The following FLT1 variants were observed in gnomAD, a reference collection of about 807,000 sequenced individuals.
The protein encoded by FLT1 is vascular endothelial growth factor receptor 1.
A neutral mutation model predicts 156.3 loss-of-function variants in FLT1; 49 were observed. The ratio of observed to expected loss-of-function variants is 0.31; its 90% CI spans 0.25 to 0.40. FLT1 has a LOEUF of 0.40. FLT1 is among the 10% of genes least tolerant of loss of function. FLT1 has a pLI of 1.00. For synonymous variants in FLT1, 594 were observed against 583.8 expected (o/e 1.02, Z -0.25); for missense variants, 1,322 against 1,637.2 (o/e 0.81, Z 3.32).
In FLT1 at chr13:28,339,219, G is replaced by A. The variant is rs1223758635; in HGVS notation, c.2437C>T (p.Leu813Phe). The part of the protein sequence containing the change: ...EVPLDEQCER[L>F]PYDASKWEFA... Reference sequence around the variant, plus strand: ...TCCCACTTGCTGGCATCATAAGGGAGCCGCTCACACTGCTCATCCAAAGGA... The same window carrying A: ...TCCCACTTGCTGGCATCATAAGGGAACCGCTCACACTGCTCATCCAAAGGA... The change falls in exon 17 of 30, where the codon CTC becomes TTC. Residue 813 changes from leucine (L) to phenylalanine (F), a missense_variant. Transcript: ENST00000282397. 5 of 1,614,022 alleles carry A rather than the reference G, an allele frequency of 3.1e-6. No individual in the cohort carries two copies. Among genetic ancestry groups the A allele is most frequent in the Admixed American group, 3.3e-5 (2 of 60,008 alleles).
intron 19 of FLT1, among the ~76,000 whole-genome samples, chr13:28,327,792 T>G (rs1410032596): frequency 6.8e-6 from 1 of 146,578 alleles, no homozygotes. Flanking sequence ...TGAGGGGCAG[T>G]GCAGAAGCAT....
chr13:28,481,872 C>G (rs1357260554), intron 1 of FLT1, among the ~76,000 whole-genome samples: 1 of 152,204 alleles, frequency 6.6e-6, no homozygotes, highest in African/African-American at 2.4e-5. Flanking sequence ...TAGTAAAACT[C>G]AGTTAAATTC....
chr13:28,388,345 G>A (rs771190489), intron 13 of FLT1: 475 of 1,058,010 alleles, frequency 4.5e-4, no homozygotes, highest in Admixed American at 7.0e-4. Context: ...TTACCTAAAG[G>A]AGGAAACAGT....
intron 16 of FLT1, among the ~76,000 whole-genome samples, chr13:28,345,196 T>C (rs545120218): frequency 1.3e-5 from 2 of 152,298 alleles, no homozygotes; most frequent in Admixed American, 1.3e-4. Flanking sequence ...ATATTTTGTA[T>C]CAAAAATACC....
intron 3 of FLT1, among the ~76,000 whole-genome samples, chr13:28,444,018 A>T (rs1253112998): frequency 1.3e-5 from 2 of 152,270 alleles, no homozygotes. Flanking sequence ...TGAGGAAGAT[A>T]TAACAATTAA....
rs545642527 is a variant in FLT1 at position 28,380,335 on chromosome 13, A to T, written c.2116+4550T>A. ...TTTGAAGATACTCATATATACAAACATAAGGGTCATCGTCATGGAGCATAT... is the reference window on the plus strand; with the variant it reads ...TTTGAAGATACTCATATATACAAACTTAAGGGTCATCGTCATGGAGCATAT... On this transcript the variant is annotated intron_variant, in intron 14 of 29. Coordinates refer to ENST00000282397, the MANE Select transcript of FLT1 (RefSeq NM_002019.4). Among the ~76,000 whole-genome samples, 10 of 152,378 alleles carry T rather than the reference A, an allele frequency of 6.6e-5. No individual in the cohort carries two copies. In the South Asian group the frequency reaches 2.1e-3, roughly 32 times the overall value.
chr13:28,306,877 T>A, intron 28 of FLT1, 105 bp from the exon 29 acceptor site: 1 of 771,944 alleles, frequency 1.3e-6, no homozygotes, highest in South Asian at 1.4e-5. Context: ...AGGCTCTGCC[T>A]CACCCTCCAC....
chr13:28,473,729 A>AGAAAGAAGGAAG (rs1566050283), intron 1 of FLT1, among the ~76,000 whole-genome samples: 12 of 84,304 alleles, frequency 1.4e-4, no homozygotes, highest in Non-Finnish European at 1.8e-4. Context: ...AAAGAAAGAA[A>AGAAAGAAGGAAG]GAAGGAAGGA....
intron 25 of FLT1, 128 bp downstream of exon 25, chr13:28,317,370 T>C (rs1469908133): frequency 1.3e-6 from 1 of 746,290 alleles, no homozygotes; most frequent in East Asian, 2.6e-5. Flanking sequence ...GGAGCATCTC[T>C]AAAGGAAAGA....
chr13:28,398,289 C>T (rs1024937381), intron 11 of FLT1, among the ~76,000 whole-genome samples: 1 of 152,104 alleles, frequency 6.6e-6, no homozygotes, highest in Non-Finnish European at 1.5e-5. Flanking sequence ...ATAGAGTGTC[C>T]TTGCTGAAGT....
chr13:28,372,076 A>ATT lies in FLT1; in HGVS notation c.2116+12807_2116+12808dup, dbSNP rs56114428. ...TATATATATATATATATATATATAT[A>ATT]TTTTTTTTTTTTTTTTTTTTTTTGA... is the stretch of plus-strand genomic sequence containing the variant. On this transcript the variant is annotated intron_variant, in intron 14 of 29. Transcript: ENST00000282397. 1.8e-3 allele frequency among the ~76,000 whole-genome samples: 21 copies of ATT among 11,758 alleles called. 5 individuals carry two copies. Among genetic ancestry groups the ATT allele is most frequent in the African/African-American group, 6.0e-3 (19 of 3,152 alleles). 7.7% of individuals were successfully genotyped at this position (11,758 alleles called of 152,430 possible).
At chr13:28,341,410 C>T (rs571183760) in intron 16 of FLT1, among the ~76,000 whole-genome samples, 80 of 152,320 alleles carry the variant, frequency 5.3e-4, no homozygotes, top group African/African-American at 1.8e-3. Context: ...AATCACAGGT[C>T]AACTTCTGCT....
At chr13:28,379,968 G>A (rs1874006471) in intron 14 of FLT1, among the ~76,000 whole-genome samples, 1 of 152,088 alleles carries the variant, frequency 6.6e-6, no homozygotes, top group Non-Finnish European at 1.5e-5. Context: ...ATGGGAGCAA[G>A]TCATCATTTA....
intron 3 of FLT1, among the ~76,000 whole-genome samples, chr13:28,442,967 C>A (rs1878418571): frequency 6.6e-6 from 1 of 152,168 alleles, no homozygotes; most frequent in Admixed American, 6.5e-5. Context: ...ACTTCCAATC[C>A]CAGCCAGCAC....
In FLT1 at chr13:28,319,553, G is replaced by T. The variant is rs764942559; in HGVS notation, c.3175-19C>A. ...GTCGAGTCTAGAAGAGGGCAAGGGG[G>T]CCTTGAGCAGAAGGGCATGAAAACA... On this transcript the variant is annotated intron_variant, in intron 23 of 29. Transcript: ENST00000282397. 24 of 1,481,912 alleles carry T rather than the reference G, an allele frequency of 1.6e-5. 1 individual carries two copies. In the African/African-American group the frequency reaches 2.2e-4, roughly 14 times the overall value. The allele number at this position is 1,481,912 out of a possible 1,614,324, so 91.8% of individuals were successfully genotyped here. A position where few individuals can be genotyped will look rare whatever the true frequency, so the allele number is the denominator to read the frequency against.
At chr13:28,424,517 A>G (rs953921535) in intron 10 of FLT1, among the ~76,000 whole-genome samples, 6 of 152,172 alleles carry the variant, frequency 3.9e-5, no homozygotes, top group African/African-American at 1.2e-4. Context: ...ACATATTTAC[A>G]TATTTATTAG....
rs1178780948 is a variant in FLT1, at chr13:28,371,819, G to A, written c.2116+13066C>T. On this transcript the variant is annotated intron_variant, in intron 14 of 29. Transcript: ENST00000282397. ...TGATGGACAGCAATTGGTATAATCT[G>A]AGGTGTCAGGCATCCTCTTGGGGTC... is the stretch of plus-strand genomic sequence containing the variant. Among the ~76,000 whole-genome samples the A allele has an allele frequency of 3.9e-5, 6 of 152,026 alleles. No individual in the cohort carries two copies. The South Asian group carries it at 1.2e-3, about 31-fold the overall frequency.
Position 28,472,133 on chromosome 13 carries a change from T to A in FLT1, c.65-4516A>T, listed in dbSNP as rs751583573. Among the ~76,000 whole-genome samples, 75 of 152,216 alleles carry A rather than the reference T, an allele frequency of 4.9e-4. 1 individual carries two copies. Among genetic ancestry groups the A allele is most frequent in the Non-Finnish European group, 2.5e-4 (17 of 68,032 alleles). On this transcript the variant is annotated intron_variant, in intron 1 of 29. Coordinates refer to ENST00000282397, the MANE Select transcript of FLT1 (RefSeq NM_002019.4). Reference sequence around the variant, plus strand: ...GAACTTTATGACTCTTTGACACAAATCCCTTCTCTCCTTTCGCACATGCTA... The same window carrying A: ...GAACTTTATGACTCTTTGACACAAAACCCTTCTCTCCTTTCGCACATGCTA...
At chr13:28,482,299 G>A (rs758552917) in intron 1 of FLT1, among the ~76,000 whole-genome samples, 3 of 152,006 alleles carry the variant, frequency 2.0e-5, no homozygotes, top group Non-Finnish European at 2.9e-5. Flanking sequence ...TTAGCCCAGC[G>A]TGGCGGTGCA....
Sources: allele counts gnomAD v4.1 joint callset (sites outside exome capture counted in the v4.1 genomes callset), GRCh38; gene constraint gnomAD v4.1.1; transcripts MANE v1.5; gene names NCBI Gene and HGNC (gene_info 2026-07-23, HGNC 2026-07-21).